TYW1B: variants seen among roughly 807,000 people sequenced by gnomAD.
TYW1B encodes the protein tRNA-yW synthesizing protein 1 homolog B, also known as S-adenosyl-L-methionine-dependent tRNA 4-demethylwyosine synthase TYW1B.
Under a neutral mutation model 86.9 loss-of-function variants are expected in TYW1B, and 73 were observed. The ratio of observed to expected loss-of-function variants is 0.84; its 90% CI spans 0.70 to 1.02. The LOEUF is 1.02. TYW1B is among the 50% of genes least tolerant of loss of function. The pLI is 0.00. For missense variants in TYW1B, 637 were observed against 827.4 expected (o/e 0.77, Z 2.82); for synonymous variants, 248 against 292.8 (o/e 0.85, Z 1.56).
chr7:72,695,397 AG>A (rs1814292319), intron 10 of TYW1B, among the ~76,000 whole-genome samples: 1 of 152,226 alleles, frequency 6.6e-6, no homozygotes, highest in African/African-American at 2.4e-5. Context: ...TATGTAGTGC[AG>A]ACCTAAAACA....
intron 7 of TYW1B, among the ~76,000 whole-genome samples, chr7:72,758,404 T>G (rs1261673804): frequency 2.6e-5 from 4 of 152,032 alleles, no homozygotes; most frequent in African/African-American, 9.7e-5. Flanking sequence ...TATGTTCCCA[T>G]TGCTATGTTC....
intron 5 of TYW1B, among the ~76,000 whole-genome samples, chr7:72,805,961 G>C (rs1788486533): frequency 6.6e-6 from 1 of 152,094 alleles, no homozygotes; most frequent in African/African-American, 2.4e-5. Context: ...GAGCTTCAAA[G>C]GAATTGGGGT....
chr7:72,694,751 T>C lies in TYW1B; in HGVS notation c.1442A>G (p.Asp481Gly), dbSNP rs781946026. Residue 481 changes from aspartate to glycine, a missense_variant, in exon 11 of 14, where the codon GAC becomes GGC. Physicochemically the swap from Asp to Gly is moderately conservative, Grantham distance 94. Transcript: ENST00000620995. ...ASTKDSLKKI[D>G]RPLFKDFWQQ... The stretch of plus-strand genomic sequence containing the variant: ...CCAGAAATCCTTGAAGAGTGGGCGG[T>C]CGATTTTCTTCAGGCTGTCTTTGGT... 2 of 1,613,954 alleles carry C rather than the reference T, an allele frequency of 1.2e-6. No homozygotes were observed. The highest frequency in any genetic ancestry group is 1.7e-5 in the Admixed American group (1 of 59,984).
At chr7:72,723,528 A>G (rs1786943384) in intron 9 of TYW1B, among the ~76,000 whole-genome samples, 1 of 152,176 alleles carries the variant, frequency 6.6e-6, no homozygotes, top group Non-Finnish European at 1.5e-5. Flanking sequence ...ACACTTTGGG[A>G]GACTGAGGCT....
At chr7:72,827,956 A>C in intron 1 of TYW1B, 116 bp downstream of exon 1, 3 of 1,558,598 alleles carry the variant, frequency 1.9e-6, no homozygotes, top group Non-Finnish European at 2.6e-6. Flanking sequence ...GGTGCTGTCA[A>C]GTGCAACAGT....
At chr7:72,687,482 T>C (rs1429214703) in intron 11 of TYW1B, among the ~76,000 whole-genome samples, 1 of 152,024 alleles carries the variant, frequency 6.6e-6, no homozygotes, top group Non-Finnish European at 1.5e-5. Context: ...GGAGAAGATA[T>C]ATTCAGTACC....
At chr7:72,789,891 G>A (rs1788190221) in intron 6 of TYW1B, among the ~76,000 whole-genome samples, 1 of 149,978 alleles carries the variant, frequency 6.7e-6, no homozygotes, top group Admixed American at 6.7e-5. Context: ...CCCAGCTCCT[G>A]GAAAATTAAC....
At position 72,802,513 on chromosome 7, in the gene TYW1B, G is replaced by A. The variant is rs782533916; in HGVS notation, c.733C>T (p.Pro245Ser). Residue 245 changes from proline to serine, a missense_variant, in exon 6 of 14, where the codon CCC (proline) becomes TCC (serine). Pro to Ser is a moderately conservative substitution (Grantham distance 74). Transcript: ENST00000620995. ...TCTTCTTCACTGGAGCTCTCGAAGG[G>A]TTCTTCCTCCTGGAAGAGAAATGCT... is the stretch of plus-strand genomic sequence containing the variant. ...LHHRDTKEEE[P>S]FESSSEEEFG... 1 of 1,613,744 alleles carries A rather than the reference G, an allele frequency of 6.2e-7. No homozygotes were observed. The highest frequency in any genetic ancestry group is 8.5e-7 in the Non-Finnish European group (1 of 1,179,816).
intron 7 of TYW1B, among the ~76,000 whole-genome samples, chr7:72,773,398 G>A (rs1787899491): frequency 6.6e-6 from 1 of 152,126 alleles, no homozygotes; most frequent in South Asian, 2.1e-4. Context: ...AACAAAAGAT[G>A]GTGATCCCAT....
In TYW1B at chr7:72,647,944, C is replaced by T. The variant is rs188761508; in HGVS notation, c.1507-18947G>A. Among the ~76,000 whole-genome samples the T allele has an allele frequency of 6.9e-3, 1,048 of 152,172 alleles. 17 individuals carry two copies. Among genetic ancestry groups the T allele is most frequent in the African/African-American group, 0.025 (1,023 of 41,506 alleles). ...CAAGTGATCCACCCACCTCGGCCTC[C>T]CAAAATGCTGGGATTACAGGCCTTA... On this transcript the variant is annotated intron_variant, in intron 11 of 13. Coordinates refer to ENST00000620995, the MANE Select transcript of TYW1B (RefSeq NM_001145440.3).
chr7:72,769,159 G>A (rs1481556884), intron 7 of TYW1B: 1 of 458,098 alleles, frequency 2.2e-6, no homozygotes, highest in South Asian at 4.3e-5. Context: ...CATGTGTGCT[G>A]CATTGGAACT....
At chr7:72,823,346 G>A (rs1788867066) in intron 2 of TYW1B, among the ~76,000 whole-genome samples, 1 of 151,736 alleles carries the variant, frequency 6.6e-6, no homozygotes, top group African/African-American at 2.4e-5. Context: ...TAAAGGCCGG[G>A]CACGGTGGCT....
intron 13 of TYW1B, among the ~76,000 whole-genome samples, chr7:72,612,893 G>A (rs1479393491): frequency 6.6e-6 from 1 of 151,964 alleles, no homozygotes; most frequent in Non-Finnish European, 1.5e-5. Flanking sequence ...GGGACTACAG[G>A]TTCGTGCCAT....
At chr7:72,790,592 T>C (rs1788203513) in intron 6 of TYW1B, among the ~76,000 whole-genome samples, 1 of 152,198 alleles carries the variant, frequency 6.6e-6, no homozygotes. Flanking sequence ...TCTTTGCTTC[T>C]GGCTGGTAAA....
At chr7:72,753,837 CT>C (rs36055636) in intron 7 of TYW1B, among the ~76,000 whole-genome samples, 25 of 151,306 alleles carry the variant, frequency 1.7e-4, no homozygotes, top group Admixed American at 7.9e-4. Flanking sequence ...TTTTAAATTA[CT>C]TTTTTTTTAG....
intron 11 of TYW1B, among the ~76,000 whole-genome samples, chr7:72,680,873 C>A (rs1413729895): frequency 6.6e-6 from 1 of 152,052 alleles, no homozygotes; most frequent in Non-Finnish European, 1.5e-5. Flanking sequence ...ATTTCTTAAG[C>A]TAGACTATAG....
intron 9 of TYW1B, among the ~76,000 whole-genome samples, chr7:72,725,099 C>A (rs1443530077): frequency 3.3e-5 from 5 of 152,200 alleles, no homozygotes; most frequent in African/African-American, 1.2e-4. Flanking sequence ...ACAGGCCCAG[C>A]AGACAATGAA....
rs1275292222 is a variant in TYW1B, at chr7:72,790,491, G to A, written c.846+11909C>T. Among the ~76,000 whole-genome samples the A allele has an allele frequency of 2.0e-5, 3 of 152,142 alleles. No individual in the cohort carries two copies. The East Asian group carries it at 5.8e-4, about 29-fold the overall frequency. On this transcript the variant is annotated intron_variant, in intron 6 of 13. Transcript: ENST00000620995. ...GACGTCTGTCACCAGCTGCTGGTCT[G>A]CCCCACTGGGTCTGGCAGCCCTCCC...
At chr7:72,617,054 G>A (rs1390214919) in intron 12 of TYW1B, among the ~76,000 whole-genome samples, 2 of 152,228 alleles carry the variant, frequency 1.3e-5, no homozygotes, top group Non-Finnish European at 2.9e-5. Context: ...GCTACTCTAT[G>A]ACATTGCTGG....
Sources: allele counts gnomAD v4.1 joint callset (sites outside exome capture counted in the v4.1 genomes callset), GRCh38; gene constraint gnomAD v4.1.1; transcripts MANE v1.5; gene names NCBI Gene and HGNC (gene_info 2026-07-23, HGNC 2026-07-21).